Variants in RIPOR3 observed in about 807,000 individuals in gnomAD.
The protein encoded by RIPOR3 is family with sequence similarity 65 member C.
In RIPOR3, 95 loss-of-function variants were observed where a neutral mutation model predicts 114.3. That is an observed-to-expected ratio of 0.83 (90% CI 0.70 to 0.99). The LOEUF is 0.99. Among genes scored for constraint, RIPOR3 ranks in the 50% least tolerant of loss-of-function variants. The probability of loss-of-function intolerance (pLI) is 0.00; values close to 1 mark genes in which losing one functional copy is unlikely to be tolerated. For synonymous variants in RIPOR3, 575 were observed against 543.8 expected (o/e 1.06, Z -0.80); for missense variants, 1,252 against 1,266.9 (o/e 0.99, Z 0.18).
chr20:50,669,582 C>T (rs952856706), intron 1 of RIPOR3, among the ~76,000 whole-genome samples: 1 of 152,160 alleles, frequency 6.6e-6, no homozygotes, highest in African/African-American at 2.4e-5. Flanking sequence ...GTCACCGCTG[C>T]GCACTGACCC....
intron 1 of RIPOR3, among the ~76,000 whole-genome samples, chr20:50,683,012 C>T (rs1238505252): frequency 6.6e-6 from 1 of 152,186 alleles, no homozygotes; most frequent in Non-Finnish European, 1.5e-5. Context: ...CAGGCATGAG[C>T]CACCGTGCCT....
chr20:50,619,981 C>T lies in RIPOR3; in HGVS notation c.269+5G>A, dbSNP rs1370944145. ...TCTTAAAGGCAGCACACAGCCCAGC[C>T]TTACTTGAGGCCTCTTTTCAATGCT... On this transcript the variant is annotated splice_donor_5th_base_variant and intron_variant, in intron 3 of 21. Coordinates refer to ENST00000327979, the MANE Select transcript of RIPOR3 (RefSeq NM_001290268.2). The T allele has an allele frequency of 6.2e-7, 1 of 1,610,742 alleles. No individual in the cohort carries two copies. Among genetic ancestry groups the T allele is most frequent in the East Asian group, 2.2e-5 (1 of 44,780 alleles).
chr20:50,602,225 C>A lies in RIPOR3; in HGVS notation c.1506G>T (p.Glu502Asp), dbSNP rs747697920. 5 of 1,613,880 alleles carry A rather than the reference C, an allele frequency of 3.1e-6. No homozygotes were observed. The highest frequency in any genetic ancestry group is 1.7e-4 in the Middle Eastern group (1 of 6,058). Residue 502 changes from glutamate (E) to aspartate (D), a missense_variant, in exon 13 of 22, where the codon GAG becomes GAT. By Grantham distance (45) the Glu-to-Asp change is conservative. Transcript: ENST00000327979. The surrounding 1 kb of genome is among the most constrained non-coding windows in gnomAD (Gnocchi z 4.3). Reference sequence around the variant, plus strand: ...CCTCTCTGTCCCCGGTTGCCCCTTCCTCGTGGCCGTTCTGGCTACTCGAGG... The same window carrying A: ...CCTCTCTGTCCCCGGTTGCCCCTTCATCGTGGCCGTTCTGGCTACTCGAGG... ...GTASSSQNGH[E>D]EGATGDREDG...
chr20:50,680,993 G>A (rs550633051), intron 1 of RIPOR3, among the ~76,000 whole-genome samples: 54 of 152,216 alleles, frequency 3.5e-4, no homozygotes, highest in African/African-American at 1.2e-3. Context: ...GGGGGCTAAG[G>A]CGGGTGAATC....
intron 11 of RIPOR3, among the ~76,000 whole-genome samples, chr20:50,605,472 A>AT (rs1157856984): frequency 1.3e-5 from 2 of 151,990 alleles, no homozygotes; most frequent in African/African-American, 4.8e-5. Context: ...TACTTAATGG[A>AT]TTTAAGAGGA....
rs558916760 is a variant in RIPOR3 at position 50,656,688 on chromosome 20, C to T, written c.4-25832G>A. Reference sequence around the variant, plus strand: ...CTAATTTTTGTACTTTTAGTAGAGACGGGGTTTCATCGTGTTGGTCAGGCT... The same window carrying T: ...CTAATTTTTGTACTTTTAGTAGAGATGGGGTTTCATCGTGTTGGTCAGGCT... On this transcript the variant is annotated intron_variant, in intron 1 of 21. Coordinates refer to ENST00000327979, the MANE Select transcript of RIPOR3 (RefSeq NM_001290268.2). 3.0e-3 allele frequency among the ~76,000 whole-genome samples: 451 copies of T among 152,118 alleles called. 1 individual carries two copies. The highest frequency in any genetic ancestry group is 4.4e-3 in the Non-Finnish European group (299 of 67,994).
intron 1 of RIPOR3, among the ~76,000 whole-genome samples, chr20:50,686,829 C>T (rs2087044702): frequency 1.3e-5 from 2 of 152,046 alleles, no homozygotes; most frequent in Admixed American, 6.6e-5. Context: ...TGGTTCTCCT[C>T]TTGTATTGCA....
At position 50,589,771 on chromosome 20, in the gene RIPOR3, T is replaced by G. The variant is rs749539240; in HGVS notation, c.2578-2A>C. On this transcript the variant is annotated splice_acceptor_variant, in intron 19 of 21. Transcript: ENST00000327979. LOFTEE classifies it high-confidence loss of function. ...GGCGTTGGTGTAGAACAGCAAAGCCTGGGGAGAGTAAGGAGGCTGTGAATG... is the reference window on the plus strand; with the variant it reads ...GGCGTTGGTGTAGAACAGCAAAGCCGGGGGAGAGTAAGGAGGCTGTGAATG... 1 of 1,612,574 alleles carries G rather than the reference T, an allele frequency of 6.2e-7. No individual in the cohort carries two copies. Among genetic ancestry groups the G allele is most frequent in the Admixed American group, 1.7e-5 (1 of 59,886 alleles).
At chr20:50,635,387 C>T (rs1339177771) in intron 1 of RIPOR3, among the ~76,000 whole-genome samples, 2 of 152,046 alleles carry the variant, frequency 1.3e-5, no homozygotes, top group Non-Finnish European at 2.9e-5. Context: ...GGCGTGGCGA[C>T]TCACGCCTAT....
Position 50,610,729 on chromosome 20 carries a change from G to A in RIPOR3, c.426+124C>T. On this transcript the variant is annotated intron_variant, in intron 6 of 21. Transcript: ENST00000327979. ...TGCTCATCCTTAGCCTCCTGCAGCT[G>A]CCCCATACCCAGAGGCCCTGATCCC... 2.3e-6 allele frequency: 3 copies of A among 1,290,570 alleles called. 1 individual carries two copies. The highest frequency in any genetic ancestry group is 2.6e-5 in the South Asian group (2 of 77,148). 79.9% of individuals were successfully genotyped at this position (1,290,570 alleles called of 1,614,324 possible).
In RIPOR3 at chr20:50,593,121, A is replaced by T; in HGVS notation, c.2288T>A (p.Ile763Asn). ...GCTGTGAAACTGGAACCAGGTAATG[A>T]TCTGTTCTTCTGGGAGCCCAGCTCC... ...LPGAGLPEEQ[I>N]ITWFQFHSYL... The change falls in exon 18 of 22, where the codon ATC becomes AAC. Residue 763 changes from isoleucine to asparagine, a missense_variant. Transcript: ENST00000327979. 1 of 1,613,986 alleles carries T rather than the reference A, an allele frequency of 6.2e-7. No individual in the cohort carries two copies. Among genetic ancestry groups the T allele is most frequent in the South Asian group, 1.1e-5 (1 of 91,076 alleles).
rs1335062490 is a variant in RIPOR3 at position 50,596,130 on chromosome 20, G to T, written c.1914+10C>A. The T allele has an allele frequency of 6.2e-7, 1 of 1,614,068 alleles. No homozygotes were observed. Among genetic ancestry groups the T allele is most frequent in the Admixed American group, 1.7e-5 (1 of 60,020 alleles). ...CTGCCCCTCCCTGACAAGTCCCCTAGCCCAGCCACCTGCAGCAGAGCTTTG... is the reference window on the plus strand; with the variant it reads ...CTGCCCCTCCCTGACAAGTCCCCTATCCCAGCCACCTGCAGCAGAGCTTTG... On this transcript the variant is annotated intron_variant, in intron 15 of 21. Coordinates refer to ENST00000327979, the MANE Select transcript of RIPOR3 (RefSeq NM_001290268.2).
rs954714182 is a variant in RIPOR3, at chr20:50,611,002, G to A, written c.373-96C>T. 1.5e-4 allele frequency: 88 copies of A among 579,536 alleles called. No homozygotes were observed. The African/African-American group carries it at 4.6e-3, about 30-fold the overall frequency. The allele number at this position is 579,536 out of a possible 1,614,324, so 35.9% of individuals were successfully genotyped here. ...ACCCTCCTACAGGTCCTAACTCAGAGAATGGGGCCCCTCACCATCCCTGAG... is the reference window on the plus strand; with the variant it reads ...ACCCTCCTACAGGTCCTAACTCAGAAAATGGGGCCCCTCACCATCCCTGAG... On this transcript the variant is annotated intron_variant, in intron 5 of 21. Coordinates refer to ENST00000327979, the MANE Select transcript of RIPOR3 (RefSeq NM_001290268.2).
chr20:50,630,712 C>T (rs773457533), intron 2 of RIPOR3, 26 bp downstream of exon 2: 11 of 1,570,074 alleles, frequency 7.0e-6, no homozygotes, highest in African/African-American at 5.4e-5. Context: ...CCCTGCACCC[C>T]GAAACAGGAC....
intron 2 of RIPOR3, among the ~76,000 whole-genome samples, chr20:50,627,303 C>A (rs1382322917): frequency 1.3e-5 from 2 of 151,204 alleles, no homozygotes; most frequent in African/African-American, 4.9e-5. Flanking sequence ...GAGTTCGAGA[C>A]CAGCCTGACC....
intron 4 of RIPOR3, among the ~76,000 whole-genome samples, chr20:50,615,053 T>C (rs1568863942): frequency 6.6e-6 from 1 of 150,776 alleles, no homozygotes; most frequent in East Asian, 2.0e-4. Flanking sequence ...TGAGACTCCA[T>C]CTCAAAAACA....
chr20:50,604,220 C>T (rs2083613325), intron 12 of RIPOR3, among the ~76,000 whole-genome samples: 1 of 151,612 alleles, frequency 6.6e-6, no homozygotes. Context: ...AAGGCGTATA[C>T]ACTTGCTGGT....
intron 1 of RIPOR3, among the ~76,000 whole-genome samples, chr20:50,651,138 A>G (rs1410451657): frequency 6.6e-6 from 1 of 152,080 alleles, no homozygotes; most frequent in African/African-American, 2.4e-5. Flanking sequence ...TATGAGAGGG[A>G]TTCAGCGTGA....
intron 11 of RIPOR3, among the ~76,000 whole-genome samples, chr20:50,607,500 C>T (rs768464519): frequency 3.3e-5 from 5 of 152,174 alleles, no homozygotes; most frequent in Non-Finnish European, 7.3e-5. Context: ...GACCAGAAGG[C>T]CTAGAGCTCA....
Sources: allele counts gnomAD v4.1 joint callset (sites outside exome capture counted in the v4.1 genomes callset), GRCh38; gene constraint gnomAD v4.1.1; non-coding constraint Gnocchi (gnomAD v3.1); transcripts MANE v1.5; gene names NCBI Gene and HGNC (gene_info 2026-07-23, HGNC 2026-07-21).